The following TMEM209 variants were observed in gnomAD, a reference collection of about 807,000 sequenced individuals.
The protein encoded by TMEM209 is transmembrane protein 209, also known as testicular tissue protein Li 202.
In TMEM209, 65 loss-of-function variants were observed where a neutral mutation model predicts 76.2. The ratio of observed to expected loss-of-function variants is 0.85; its 90% CI spans 0.70 to 1.05. TMEM209 has a LOEUF of 1.05. Among genes scored for constraint, TMEM209 ranks in the 50% least tolerant of loss-of-function variants. The pLI is 0.00. For missense variants in TMEM209, 623 were observed against 685.5 expected (o/e 0.91, Z 1.02); for synonymous variants, 239 against 237.6 (o/e 1.01, Z -0.06).
chr7:130,177,028 CAAAAAAA>C (rs5887463), intron 10 of TMEM209, among the ~76,000 whole-genome samples: 2 of 117,544 alleles, frequency 1.7e-5, no homozygotes, highest in South Asian at 5.8e-4. Context: ...AGCCGGGTCT[CAAAAAAA>C]AAAAAAAAAA....
At chr7:130,184,995 G>GTAA (rs1235020648) in intron 7 of TMEM209, among the ~76,000 whole-genome samples, 197 bp downstream of exon 7, 6 of 152,190 alleles carry the variant, frequency 3.9e-5, no homozygotes, top group Admixed American at 2.6e-4. Context: ...GTGTCACAGA[G>GTAA]TAAAATGTAT....
rs1209706323 is a variant in TMEM209, at chr7:130,173,925, T to C, written c.1359A>G (p.Val453=). The change falls in exon 12 of 15, where the codon GTA becomes GTG. Residue 453 remains valine (V), a synonymous_variant. Coordinates refer to ENST00000397622, the MANE Select transcript of TMEM209 (RefSeq NM_032842.4). ...LPTDSAIIMH[V]FCTYLDSRLP... ...ATCTGGAATCAAGGTAGGTGCAAAA[T>C]ACATGCATGATGATCTGAGGATGAA... 6.2e-7 allele frequency: 1 copy of C among 1,610,448 alleles called. No individual in the cohort carries two copies. The highest frequency in any genetic ancestry group is 8.5e-7 in the Non-Finnish European group (1 of 1,176,858).
chr7:130,165,005 G>A lies in TMEM209; in HGVS notation c.*1446C>T, dbSNP rs1796840425. ...GAATTTACAAATACAGAACTGTACT[G>A]ACTTAAATTTGGAATTTACTAATTA... On this transcript the variant is annotated 3_prime_UTR_variant, in exon 15 of 15. Transcript: ENST00000397622. 1.3e-5 allele frequency: 2 copies of A among 152,146 alleles called. No homozygotes were observed. The highest frequency in any genetic ancestry group is 2.9e-5 in the Non-Finnish European group (2 of 67,996). 9.4% of individuals were successfully genotyped at this position (152,146 alleles called of 1,614,324 possible). A position where few individuals can be genotyped will look rare whatever the true frequency, so the allele number is the denominator to read the frequency against.
At chr7:130,200,361 T>A (rs4731670) in intron 5 of TMEM209, among the ~76,000 whole-genome samples, 39,103 of 152,086 alleles carry the variant, frequency 0.26, 5,333 homozygotes, top group East Asian at 0.39. Context: ...AACTTGATGG[T>A]CAACAGTGTG....
rs1239896668 is a variant in TMEM209, at chr7:130,166,496, A to G, written c.1641T>C (p.Asn547=). Reference sequence around the variant, plus strand: ...ATATATTCACACCAGATAGACCAAGATTAACTCTCCTATAAAGAGAAAAAA... The same window carrying G: ...ATATATTCACACCAGATAGACCAAGGTTAACTCTCCTATAAAGAGAAAAAA... ...TKESGMLGRV[N]LGLSGVNILW... Residue 547 remains asparagine (N), a synonymous_variant, in exon 15 of 15, where the codon AAT becomes AAC. Coordinates refer to ENST00000397622, the MANE Select transcript of TMEM209 (RefSeq NM_032842.4). 2 of 1,538,996 alleles carry G rather than the reference A, an allele frequency of 1.3e-6. No individual in the cohort carries two copies. The highest frequency in any genetic ancestry group is 4.9e-5 in the East Asian group (2 of 40,470).
rs534505267 is a variant in TMEM209, at chr7:130,165,722, A to T, written c.*729T>A. ...ATTAAAAAAAAAAAAAAAAAAACTA[A>T]ATCAGCAATTTTCTTACTTTCTAAG... On this transcript the variant is annotated 3_prime_UTR_variant, in exon 15 of 15. Transcript: ENST00000397622. The T allele has an allele frequency of 6.6e-6, 1 of 151,646 alleles. No homozygotes were observed. The highest frequency in any genetic ancestry group is 1.5e-5 in the Non-Finnish European group (1 of 67,930). 9.4% of individuals were successfully genotyped at this position (151,646 alleles called of 1,614,324 possible). A position where few individuals can be genotyped will look rare whatever the true frequency, so the allele number is the denominator to read the frequency against.
At chr7:130,169,803 C>T (rs372316968) in intron 14 of TMEM209, among the ~76,000 whole-genome samples, 4 of 152,082 alleles carry the variant, frequency 2.6e-5, no homozygotes, top group East Asian at 1.9e-4. Flanking sequence ...CCAGGTTTTC[C>T]GACTCCCAGA....
rs1230820351 is a variant in TMEM209, at chr7:130,202,584, T to G, written c.279A>C (p.Thr93=). Residue 93 remains threonine (T), a synonymous_variant, in exon 4 of 15, where the codon ACA becomes ACC. Coordinates refer to ENST00000397622, the MANE Select transcript of TMEM209 (RefSeq NM_032842.4). ...WRYFKYTVAP[T]SLVVSPGQQT... Reference sequence around the variant, plus strand: ...GCTGTCCAGGACTAACAACCAGACTTGTTGGTGCCACAGTATATTTGAAAT... The same window carrying G: ...GCTGTCCAGGACTAACAACCAGACTGGTTGGTGCCACAGTATATTTGAAAT... 7 of 1,613,646 alleles carry G rather than the reference T, an allele frequency of 4.3e-6. No homozygotes were observed. Among genetic ancestry groups the G allele is most frequent in the African/African-American group, 1.3e-5 (1 of 74,916 alleles).
At chr7:130,178,362 A>C in intron 10 of TMEM209, 40 bp downstream of exon 10, 1 of 1,538,762 alleles carries the variant, frequency 6.5e-7, no homozygotes, top group Non-Finnish European at 8.8e-7. Context: ...CCAGCATAGT[A>C]AAAAAGCTCT....
chr7:130,205,348 C>A, intron 1 of TMEM209, 25 bp downstream of exon 1: 1 of 1,613,866 alleles, frequency 6.2e-7, no homozygotes. Flanking sequence ...AGACAGGAAG[C>A]ACAAACACGA....
chr7:130,188,264 G>A (rs1797668580), intron 6 of TMEM209, among the ~76,000 whole-genome samples: 1 of 152,152 alleles, frequency 6.6e-6, no homozygotes, highest in South Asian at 2.1e-4. Context: ...CTTTAGAGAA[G>A]AATGCCAAAC....
intron 6 of TMEM209, among the ~76,000 whole-genome samples, chr7:130,190,558 G>A (rs1797759868): frequency 6.7e-6 from 1 of 149,238 alleles, no homozygotes; most frequent in Admixed American, 6.7e-5. Flanking sequence ...TAAATTTTAT[G>A]TATACTGTAT....
chr7:130,202,858 G>A (rs1218592455), intron 3 of TMEM209, among the ~76,000 whole-genome samples, 195 bp from the exon 4 acceptor site: 1 of 152,130 alleles, frequency 6.6e-6, no homozygotes, highest in Non-Finnish European at 1.5e-5. Context: ...GGAGGCTGAG[G>A]CGAGTGGATC....
intron 6 of TMEM209, among the ~76,000 whole-genome samples, chr7:130,190,035 T>C (rs73146712): frequency 0.15 from 23,051 of 152,132 alleles, 2,364 homozygotes; most frequent in Middle Eastern, 0.23. Context: ...GATAGTGTCA[T>C]GTCAAAAGAA....
chr7:130,169,448 G>C (rs900644097), intron 14 of TMEM209, among the ~76,000 whole-genome samples: 3 of 152,066 alleles, frequency 2.0e-5, no homozygotes, highest in Non-Finnish European at 4.4e-5. Context: ...ATCCAAACTA[G>C]CATTTCAATA....
At chr7:130,188,544 C>T (rs565053843) in intron 6 of TMEM209, among the ~76,000 whole-genome samples, 49 of 141,302 alleles carry the variant, frequency 3.5e-4, no homozygotes, top group African/African-American at 1.1e-3. Context: ...TGCAGCGAGC[C>T]GAGATCACAC....
rs766635963 is a variant in TMEM209 at position 130,185,186 on chromosome 7, A to G, written c.951+6T>C. Reference sequence around the variant, plus strand: ...AAATATTAAGTCACTTTTATTTTCCACTTACCTCTTCTGCGGCTTGTTTAG... The same window carrying G: ...AAATATTAAGTCACTTTTATTTTCCGCTTACCTCTTCTGCGGCTTGTTTAG... On this transcript the variant is annotated splice_donor_region_variant and intron_variant, in intron 7 of 14. Coordinates refer to ENST00000397622, the MANE Select transcript of TMEM209 (RefSeq NM_032842.4). 1.9e-6 allele frequency: 3 copies of G among 1,606,104 alleles called. No individual in the cohort carries two copies. In the African/African-American group the frequency reaches 4.0e-5, roughly 22 times the overall value.
Position 130,177,830 on chromosome 7 carries a change from A to G in TMEM209, c.1246+572T>C, listed in dbSNP as rs1164097760. 2.0e-5 allele frequency among the ~76,000 whole-genome samples: 3 copies of G among 152,224 alleles called. No homozygotes were observed. In the East Asian group the frequency reaches 5.8e-4, roughly 29 times the overall value. On this transcript the variant is annotated intron_variant, in intron 10 of 14. Coordinates refer to ENST00000397622, the MANE Select transcript of TMEM209 (RefSeq NM_032842.4). ...TGAATCCTGCTCTAACCTTAGGGGA[A>G]AGGGAGAACACTATAATATTTTCAA...
chr7:130,204,147 GA>G, intron 1 of TMEM209, 37 bp from the exon 2 acceptor site: 1 of 1,577,144 alleles, frequency 6.3e-7, no homozygotes, highest in South Asian at 1.2e-5. Flanking sequence ...TTAACCAGAA[GA>G]AACTATTGCT....
Sources: allele counts gnomAD v4.1 joint callset (sites outside exome capture counted in the v4.1 genomes callset), GRCh38; gene constraint gnomAD v4.1.1; transcripts MANE v1.5; gene names NCBI Gene and HGNC (gene_info 2026-07-23, HGNC 2026-07-21).